Variants in AAGAB observed in about 807,000 individuals in gnomAD.
AAGAB encodes the protein alpha- and gamma-adaptin-binding protein p34.
In AAGAB, 38 loss-of-function variants were observed where a neutral mutation model predicts 44.1. That is an observed-to-expected ratio of 0.86 (90% CI 0.67 to 1.13). AAGAB has a LOEUF of 1.13. AAGAB is among the 50% of genes most tolerant of loss of function. The probability of loss-of-function intolerance (pLI) is 0.00; values close to 1 mark genes in which losing one functional copy is unlikely to be tolerated. For synonymous variants in AAGAB, 131 were observed against 131.8 expected (o/e 0.99, Z 0.04); for missense variants, 450 against 373.8 (o/e 1.20, Z -1.68).
Position 67,202,451 on chromosome 15 carries a change from T to G in AAGAB, c.*370A>C. Reference sequence around the variant, plus strand: ...AGGTGACACAACTCCTGATGTGCAGTATCAAGTGTGAATGCTGGAAATGCT... The same window carrying G: ...AGGTGACACAACTCCTGATGTGCAGGATCAAGTGTGAATGCTGGAAATGCT... On this transcript the variant is annotated 3_prime_UTR_variant, in exon 10 of 10. Coordinates refer to ENST00000261880, the MANE Select transcript of AAGAB (RefSeq NM_024666.5). The G allele has an allele frequency of 5.0e-6, 1 of 198,448 alleles. No homozygotes were observed. Among genetic ancestry groups the G allele is most frequent in the Non-Finnish European group, 1.0e-5 (1 of 96,216 alleles). The allele number at this position is 198,448 out of a possible 1,614,324, so 12.3% of individuals were successfully genotyped here.
At chr15:67,218,476 A>C (rs1344959720) in intron 5 of AAGAB, among the ~76,000 whole-genome samples, 4 of 152,184 alleles carry the variant, frequency 2.6e-5, no homozygotes, top group Non-Finnish European at 4.4e-5. Flanking sequence ...AAAACAACTC[A>C]TCAGGCTTCT....
chr15:67,204,265 A>G, intron 7 of AAGAB, 117 bp from the exon 8 acceptor site: 1 of 652,642 alleles, frequency 1.5e-6, no homozygotes, highest in Non-Finnish European at 2.6e-6. Flanking sequence ...GGCCCAGTGT[A>G]TACCAGCTTT....
intron 1 of AAGAB, among the ~76,000 whole-genome samples, chr15:67,238,174 T>C (rs1964514024): frequency 6.6e-6 from 1 of 152,128 alleles, no homozygotes; most frequent in Admixed American, 6.5e-5. Context: ...TATCATGAAA[T>C]TAACTTTTAA....
chr15:67,225,348 T>C (rs1244625349), intron 5 of AAGAB, among the ~76,000 whole-genome samples: 1 of 152,238 alleles, frequency 6.6e-6, no homozygotes, highest in East Asian at 1.9e-4. Flanking sequence ...CCTTTTCTAC[T>C]ATTACCATTA....
chr15:67,204,478 A>C (rs1325310742), intron 7 of AAGAB, among the ~76,000 whole-genome samples: 2 of 152,204 alleles, frequency 1.3e-5, no homozygotes, highest in African/African-American at 2.4e-5. Context: ...CTCGGAAAGC[A>C]TACTCACTCC....
chr15:67,222,242 G>GCGCACGCACACA (rs1367738219), intron 5 of AAGAB, among the ~76,000 whole-genome samples: 3 of 90,044 alleles, frequency 3.3e-5, no homozygotes, highest in Non-Finnish European at 6.9e-5. Flanking sequence ...GCGCGCGCGC[G>GCGCACGCACACA]CACACACACA....
chr15:67,208,290 G>A (rs567305559), intron 7 of AAGAB, among the ~76,000 whole-genome samples: 2 of 152,238 alleles, frequency 1.3e-5, no homozygotes, highest in East Asian at 1.9e-4. Flanking sequence ...TAGCTGTTTC[G>A]CCACCTGGTT....
At position 67,202,060 on chromosome 15, in the gene AAGAB, G is replaced by A. The variant is rs1377462021; in HGVS notation, c.*761C>T. The A allele has an allele frequency of 6.6e-6, 1 of 152,222 alleles. No individual in the cohort carries two copies. Among genetic ancestry groups the A allele is most frequent in the Non-Finnish European group, 1.5e-5 (1 of 68,036 alleles). The allele number at this position is 152,222 out of a possible 1,614,324, so 9.4% of individuals were successfully genotyped here. A position where few individuals can be genotyped will look rare whatever the true frequency, so the allele number is the denominator to read the frequency against. On this transcript the variant is annotated 3_prime_UTR_variant, in exon 10 of 10. Coordinates refer to ENST00000261880, the MANE Select transcript of AAGAB (RefSeq NM_024666.5). ...GAAGAATTTCTTCATGAAAATCACG[G>A]TATGTTATCACATACTGTCTCCATG... is the stretch of plus-strand genomic sequence containing the variant.
At chr15:67,246,332 C>G (rs1175464078) in intron 1 of AAGAB, among the ~76,000 whole-genome samples, 2 of 147,980 alleles carry the variant, frequency 1.4e-5, no homozygotes, top group African/African-American at 5.0e-5. Flanking sequence ...GCGAAGGCTG[C>G]AGTGAGCCGA....
chr15:67,249,984 G>C (rs1185076551), intron 1 of AAGAB, among the ~76,000 whole-genome samples: 1 of 152,190 alleles, frequency 6.6e-6, no homozygotes, highest in African/African-American at 2.4e-5. Context: ...CTAAAAGGAA[G>C]AATTTTGTTC....
intron 5 of AAGAB, among the ~76,000 whole-genome samples, chr15:67,214,887 G>A (rs1039479761): frequency 1.3e-5 from 2 of 151,698 alleles, no homozygotes; most frequent in South Asian, 2.1e-4. Flanking sequence ...TGATCTGCCC[G>A]CCTTGGCCTC....
intron 5 of AAGAB, among the ~76,000 whole-genome samples, chr15:67,215,054 CAT>C (rs1963912017): frequency 6.6e-6 from 1 of 152,130 alleles, no homozygotes; most frequent in African/African-American, 2.4e-5. Flanking sequence ...TATCCTCCCT[CAT>C]ATTCTGAGAA....
At chr15:67,254,349 G>T (rs765421932) in intron 1 of AAGAB, 2 of 1,346,188 alleles carry the variant, frequency 1.5e-6, no homozygotes, top group Non-Finnish European at 1.9e-6. Flanking sequence ...ACAGGAAGCC[G>T]AAAGGAACGC....
At chr15:67,254,296 T>A (rs575734976) in intron 1 of AAGAB, 8 of 895,728 alleles carry the variant, frequency 8.9e-6, no homozygotes, top group African/African-American at 1.7e-5. Context: ...CGCAAAAACC[T>A]GTGGCCTGGG....
intron 5 of AAGAB, among the ~76,000 whole-genome samples, chr15:67,218,377 C>A (rs1184695702): frequency 1.3e-5 from 2 of 152,174 alleles, no homozygotes; most frequent in Non-Finnish European, 2.9e-5. Flanking sequence ...TAAACTGACA[C>A]TTTAAACAAG....
At chr15:67,253,286 G>C (rs1964934561) in intron 1 of AAGAB, among the ~76,000 whole-genome samples, 1 of 148,554 alleles carries the variant, frequency 6.7e-6, no homozygotes, top group South Asian at 2.1e-4. Context: ...CAATTAGCCG[G>C]GCGTGGTGGC....
At chr15:67,203,958 T>C in intron 8 of AAGAB, 86 bp downstream of exon 8, 1 of 818,962 alleles carries the variant, frequency 1.2e-6, no homozygotes, top group South Asian at 1.8e-5. Flanking sequence ...AGGAATCCAA[T>C]CCAGCAGTTA....
At chr15:67,249,414 C>T (rs937844239) in intron 1 of AAGAB, among the ~76,000 whole-genome samples, 7 of 152,034 alleles carry the variant, frequency 4.6e-5, no homozygotes, top group African/African-American at 1.2e-4. Context: ...TAATCCTGTA[C>T]GGTAAGAATC....
intron 4 of AAGAB, chr15:67,232,484 G>T: frequency 3.2e-6 from 1 of 311,106 alleles, no homozygotes; most frequent in South Asian, 3.3e-5. Flanking sequence ...GAAAGTTCAT[G>T]ACCAACCAAC....
Sources: allele counts gnomAD v4.1 joint callset (sites outside exome capture counted in the v4.1 genomes callset), GRCh38; gene constraint gnomAD v4.1.1; transcripts MANE v1.5; gene names NCBI Gene and HGNC (gene_info 2026-07-23, HGNC 2026-07-21).